The following KCNH7 variants were observed in gnomAD, a reference collection of about 807,000 sequenced individuals.
KCNH7 encodes voltage-gated inwardly rectifying potassium channel KCNH7.
KCNH7 carries 49 observed loss-of-function variants against 120.8 expected under a neutral mutation model. That is an observed-to-expected ratio of 0.41 (90% CI 0.32 to 0.51). KCNH7 has a LOEUF of 0.51. KCNH7 is among the 20% of genes least tolerant of loss of function. The pLI is 0.38. For missense variants in KCNH7, 1,097 were observed against 1,446.6 expected (o/e 0.76, Z 3.92); for synonymous variants, 547 against 516.1 (o/e 1.06, Z -0.81).
intron 6 of KCNH7, among the ~76,000 whole-genome samples, chr2:162,473,689 A>C (rs1460818879): frequency 6.6e-6 from 1 of 152,140 alleles, no homozygotes; most frequent in Non-Finnish European, 1.5e-5. Context: ...GAAATAAAAG[A>C]CTCCTTAGAA....
At chr2:162,532,761 T>C (rs1039841288) in intron 3 of KCNH7, among the ~76,000 whole-genome samples, 1 of 151,898 alleles carries the variant, frequency 6.6e-6, no homozygotes, top group Admixed American at 6.6e-5. Context: ...AAGAAGTATA[T>C]ACACATTATC....
At chr2:162,382,903 A>G (rs1449298806) in intron 13 of KCNH7, among the ~76,000 whole-genome samples, 4 of 152,166 alleles carry the variant, frequency 2.6e-5, no homozygotes, top group Non-Finnish European at 5.9e-5. Context: ...TTCAATTGAC[A>G]TGCATATTTA....
At chr2:162,790,369 G>T (rs896811432) in intron 2 of KCNH7, among the ~76,000 whole-genome samples, 1 of 151,876 alleles carries the variant, frequency 6.6e-6, no homozygotes, top group African/African-American at 2.4e-5. Context: ...AAAGAAAAAT[G>T]CAGACACTAA....
At chr2:162,618,845 G>A (rs188105029) in intron 2 of KCNH7, among the ~76,000 whole-genome samples, 19 of 152,204 alleles carry the variant, frequency 1.2e-4, no homozygotes, top group African/African-American at 4.1e-4. Flanking sequence ...TAATTAAATG[G>A]GGATGCAGAA....
chr2:162,790,808 TTAGA>T (rs1192245778), intron 2 of KCNH7, among the ~76,000 whole-genome samples: 2 of 151,930 alleles, frequency 1.3e-5, no homozygotes, highest in African/African-American at 4.8e-5. Context: ...ACTCAACAAA[TTAGA>T]TAAAGAAAAA....
intron 2 of KCNH7, chr2:162,768,919 G>A (rs190454322): frequency 6.6e-6 from 1 of 152,338 alleles, no homozygotes; most frequent in Admixed American, 6.5e-5. Flanking sequence ...TATAGTAACA[G>A]CTTCTTTTGT....
Position 162,818,483 on chromosome 2 carries a change from G to A in KCNH7, c.307+18054C>T, listed in dbSNP as rs11904574. ...GATATCAAACTGTTATCATTACTAT[G>A]GCTTTACAGTAATTCTTAAAATGAG... On this transcript the variant is annotated intron_variant, in intron 2 of 15. Coordinates refer to ENST00000332142, the MANE Select transcript of KCNH7 (RefSeq NM_033272.4). Among the ~76,000 whole-genome samples, 663 of 151,950 alleles carry A rather than the reference G, an allele frequency of 4.4e-3. 4 individuals are homozygous for A. The highest frequency in any genetic ancestry group is 0.015 in the African/African-American group (603 of 41,448).
At chr2:162,471,021 C>T (rs1309806808) in intron 6 of KCNH7, among the ~76,000 whole-genome samples, 1 of 152,076 alleles carries the variant, frequency 6.6e-6, no homozygotes, top group African/African-American at 2.4e-5. Context: ...GCAAGATGTG[C>T]TTTGTTAAAC....
At chr2:162,772,136 A>G (rs1379392661) in intron 2 of KCNH7, 5 of 152,234 alleles carry the variant, frequency 3.3e-5, no homozygotes, top group Non-Finnish European at 7.3e-5. Flanking sequence ...CTCATGTTGT[A>G]TAACCCTCTT....
At chr2:162,762,978 T>A (rs1689017752) in intron 2 of KCNH7, among the ~76,000 whole-genome samples, 1 of 152,044 alleles carries the variant, frequency 6.6e-6, no homozygotes, top group East Asian at 1.9e-4. Context: ...AAATAACACA[T>A]TCATCATGTC....
rs531307185 is a variant in KCNH7, at chr2:162,372,941, C to A, written c.3324+529G>T. Reference sequence around the variant, plus strand: ...CATCCAAGTAAAAAAATTTAGAGATCTCTGGTGATGGGTGGGGTACAGACA... The same window carrying A: ...CATCCAAGTAAAAAAATTTAGAGATATCTGGTGATGGGTGGGGTACAGACA... On this transcript the variant is annotated intron_variant, in intron 15 of 15. Transcript: ENST00000332142. Among the ~76,000 whole-genome samples the A allele has an allele frequency of 4.6e-5, 7 of 152,186 alleles. No homozygotes were observed. In the South Asian group the frequency reaches 1.5e-3, roughly 32 times the overall value.
chr2:162,714,364 A>G (rs1247842674), intron 2 of KCNH7, among the ~76,000 whole-genome samples: 1 of 152,166 alleles, frequency 6.6e-6, no homozygotes, highest in Non-Finnish European at 1.5e-5. Flanking sequence ...ATAGCCAGCT[A>G]GTGTGAAGTT....
chr2:162,436,228 T>G (rs2105524276), intron 7 of KCNH7, among the ~76,000 whole-genome samples: 1 of 152,180 alleles, frequency 6.6e-6, no homozygotes, highest in South Asian at 2.1e-4. Context: ...GACATTTGAG[T>G]TGCAAACCAT....
At chr2:162,590,958 T>G (rs1694194248) in intron 2 of KCNH7, among the ~76,000 whole-genome samples, 1 of 152,120 alleles carries the variant, frequency 6.6e-6, no homozygotes, top group Non-Finnish European at 1.5e-5. Flanking sequence ...TGCCTACCAT[T>G]TGACATCATC....
At chr2:162,432,788 T>C (rs6709693) in intron 8 of KCNH7, among the ~76,000 whole-genome samples, 9,173 of 152,046 alleles carry the variant, frequency 0.06, 860 homozygotes, top group African/African-American at 0.2. Context: ...CTATTCAACT[T>C]AGCACTGGAA....
intron 6 of KCNH7, among the ~76,000 whole-genome samples, chr2:162,447,068 A>G (rs1688604426): frequency 6.6e-6 from 1 of 152,132 alleles, no homozygotes; most frequent in Non-Finnish European, 1.5e-5. Context: ...ATATTCCGGG[A>G]CAAATACACT....
At chr2:162,620,625 A>C (rs922741341) in intron 2 of KCNH7, among the ~76,000 whole-genome samples, 2 of 152,072 alleles carry the variant, frequency 1.3e-5, no homozygotes, top group African/African-American at 4.8e-5. Context: ...TTCATCCATC[A>C]TATTTTATTG....
rs373465132 is a variant in KCNH7 at position 162,652,177 on chromosome 2, A to G, written c.308-115097T>C. 4.6e-5 allele frequency among the ~76,000 whole-genome samples: 7 copies of G among 152,322 alleles called. No homozygotes were observed. In the East Asian group the frequency reaches 1.2e-3, roughly 25 times the overall value. ...AAATTTGAGTTTGTGATATGGGGGAAAGAGCCGAGACTTAATAATCTAAAC... is the reference window on the plus strand; with the variant it reads ...AAATTTGAGTTTGTGATATGGGGGAGAGAGCCGAGACTTAATAATCTAAAC... On this transcript the variant is annotated intron_variant, in intron 2 of 15. Coordinates refer to ENST00000332142, the MANE Select transcript of KCNH7 (RefSeq NM_033272.4).
intron 2 of KCNH7, among the ~76,000 whole-genome samples, chr2:162,549,252 G>A (rs1443849365): frequency 2.0e-5 from 3 of 152,172 alleles, no homozygotes; most frequent in African/African-American, 7.2e-5. Flanking sequence ...TCCAGCTTTA[G>A]AATTTTTTAC....
Sources: allele counts gnomAD v4.1 joint callset (sites outside exome capture counted in the v4.1 genomes callset), GRCh38; gene constraint gnomAD v4.1.1; transcripts MANE v1.5; gene names NCBI Gene and HGNC (gene_info 2026-07-23, HGNC 2026-07-21).